FRMD4A: variants seen among roughly 807,000 people sequenced by gnomAD.
FRMD4A encodes FERM domain-containing protein 4A.
Under a neutral mutation model 129.1 loss-of-function variants are expected in FRMD4A, and 29 were observed. The observed-to-expected ratio is 0.22, with a 90% CI of 0.17 to 0.31. The LOEUF is 0.31. FRMD4A is among the 10% of genes least tolerant of loss of function. FRMD4A has a pLI of 1.00. For synonymous variants in FRMD4A, 634 were observed against 571.6 expected (o/e 1.11, Z -1.56); for missense variants, 1,272 against 1,375.8 (o/e 0.92, Z 1.19).
At position 13,983,896 on chromosome 10, in the gene FRMD4A, G is replaced by A. The variant is rs538079627; in HGVS notation, c.46-124984C>T. On this transcript the variant is annotated intron_variant, in intron 2 of 24. Transcript: ENST00000357447. ...CGGGCACCTATAATCCCAGCTACTC[G>A]GGAGGCTGCGGCAGGAGAATCGCTT... 2.1e-3 allele frequency among the ~76,000 whole-genome samples: 323 copies of A among 152,004 alleles called. 4 individuals are homozygous for A. Among genetic ancestry groups the A allele is most frequent in the African/African-American group, 7.6e-3 (316 of 41,482 alleles).
chr10:13,872,570 C>G (rs1470752325), intron 2 of FRMD4A, among the ~76,000 whole-genome samples: 1 of 152,238 alleles, frequency 6.6e-6, no homozygotes, highest in African/African-American at 2.4e-5. Flanking sequence ...ACAGCACATG[C>G]GTTCACGCAG....
At chr10:13,999,113 G>A (rs1388744649) in intron 2 of FRMD4A, among the ~76,000 whole-genome samples, 1 of 152,092 alleles carries the variant, frequency 6.6e-6, no homozygotes, top group Non-Finnish European at 1.5e-5. Context: ...TGTGCCCTCT[G>A]TGTGGGATGT....
intron 2 of FRMD4A, among the ~76,000 whole-genome samples, chr10:14,277,861 G>C (rs2132055901): frequency 6.6e-6 from 1 of 152,328 alleles, no homozygotes; most frequent in South Asian, 2.1e-4. Flanking sequence ...ACTTCTCAAG[G>C]TCATGTCCTC....
At chr10:14,037,056 T>G (rs1011203657) in intron 2 of FRMD4A, among the ~76,000 whole-genome samples, 23 of 152,224 alleles carry the variant, frequency 1.5e-4, no homozygotes, top group African/African-American at 5.5e-4. Flanking sequence ...GCCACCCAGT[T>G]CTCACTAGTG....
At chr10:14,189,400 C>T (rs1268228876) in intron 2 of FRMD4A, among the ~76,000 whole-genome samples, 2 of 152,060 alleles carry the variant, frequency 1.3e-5, no homozygotes, top group Non-Finnish European at 2.9e-5. Context: ...ATGATGAAAC[C>T]TGGTCTCTAC....
At position 13,674,386 on chromosome 10, in the gene FRMD4A, T is replaced by A. The variant is rs373154350; in HGVS notation, c.1251+525A>T. Among the ~76,000 whole-genome samples, 11 of 152,300 alleles carry A rather than the reference T, an allele frequency of 7.2e-5. No homozygotes were observed. In the East Asian group the frequency reaches 1.9e-3, roughly 27 times the overall value. On this transcript the variant is annotated intron_variant, in intron 16 of 24. Coordinates refer to ENST00000357447, the MANE Select transcript of FRMD4A (RefSeq NM_018027.5). Reference sequence around the variant, plus strand: ...AAGTATGAGGGATGAGGGATCATCATTGGGACTTGTCGCTTGGACTCCCAT... The same window carrying A: ...AAGTATGAGGGATGAGGGATCATCAATGGGACTTGTCGCTTGGACTCCCAT...
intron 2 of FRMD4A, among the ~76,000 whole-genome samples, chr10:14,252,088 A>T (rs1249775064): frequency 6.6e-6 from 1 of 152,230 alleles, no homozygotes; most frequent in African/African-American, 2.4e-5. Context: ...GAATAGAAAA[A>T]CGAATGTCCA....
At chr10:13,743,812 A>C (rs79123829) in intron 9 of FRMD4A, among the ~76,000 whole-genome samples, 2 of 152,066 alleles carry the variant, frequency 1.3e-5, no homozygotes, top group Non-Finnish European at 2.9e-5. Flanking sequence ...CCGAGAACCT[A>C]TTCTGCTCCC....
rs556993465 is a variant in FRMD4A at position 14,096,057 on chromosome 10, G to C, written c.45+234001C>G. ...GGGAAAAAAAGGCACCAAGCCTTCT[G>C]CTGTGATCAGGTTGTTCCCCTCCAA... On this transcript the variant is annotated intron_variant, in intron 2 of 24. Coordinates refer to ENST00000357447, the MANE Select transcript of FRMD4A (RefSeq NM_018027.5). Among the ~76,000 whole-genome samples, 269 of 152,342 alleles carry C rather than the reference G, an allele frequency of 1.8e-3. 1 individual carries two copies. Among genetic ancestry groups the C allele is most frequent in the Middle Eastern group, 3.4e-3 (1 of 294 alleles).
chr10:14,230,007 G>C (rs894770225), intron 2 of FRMD4A, among the ~76,000 whole-genome samples: 10 of 152,194 alleles, frequency 6.6e-5, no homozygotes, highest in African/African-American at 2.4e-4. Context: ...TCTGTCTATA[G>C]AGGAAGGCTG....
At chr10:13,971,665 G>A (rs1269215602) in intron 2 of FRMD4A, 12 of 1,303,202 alleles carry the variant, frequency 9.2e-6, no homozygotes, top group African/African-American at 3.0e-5. Context: ...CCTGATAGAC[G>A]GCCCTGGAGA....
chr10:13,774,780 GGAAA>G (rs2092555758), intron 6 of FRMD4A, among the ~76,000 whole-genome samples: 1 of 151,886 alleles, frequency 6.6e-6, no homozygotes, highest in East Asian at 1.9e-4. Flanking sequence ...GCCTCGTACA[GGAAA>G]GAGAGACCAA....
intron 2 of FRMD4A, among the ~76,000 whole-genome samples, chr10:14,163,219 A>G (rs1484836690): frequency 1.3e-5 from 2 of 152,224 alleles, no homozygotes; most frequent in East Asian, 3.8e-4. Context: ...TGTTAAAGAC[A>G]TTGTTTTACT....
chr10:14,322,830 T>A (rs1286818221), intron 2 of FRMD4A, among the ~76,000 whole-genome samples: 1 of 152,230 alleles, frequency 6.6e-6, no homozygotes, highest in African/African-American at 2.4e-5. Context: ...AATGAGAAAC[T>A]GCTACTTGCA....
At chr10:14,127,912 T>TCTG (rs1838936534) in intron 2 of FRMD4A, among the ~76,000 whole-genome samples, 1 of 3,462 alleles carries the variant, frequency 2.9e-4, no homozygotes, top group African/African-American at 6.4e-4. Context: ...TTTGCTTTCT[T>TCTG]TCTTTCTTTC....
chr10:13,809,539 G>A (rs541117144), intron 4 of FRMD4A, among the ~76,000 whole-genome samples: 1 of 152,258 alleles, frequency 6.6e-6, no homozygotes, highest in Non-Finnish European at 1.5e-5. Context: ...GCAGTGCTGG[G>A]TCCTTCCCCG....
At chr10:14,022,833 G>A (rs1342059655) in intron 2 of FRMD4A, among the ~76,000 whole-genome samples, 1 of 152,220 alleles carries the variant, frequency 6.6e-6, no homozygotes, top group African/African-American at 2.4e-5. Flanking sequence ...GAAGGTGGTA[G>A]AAGTGTTAGG....
intron 2 of FRMD4A, among the ~76,000 whole-genome samples, chr10:14,304,063 T>C (rs185969798): frequency 1.2e-3 from 182 of 152,278 alleles, no homozygotes; most frequent in Non-Finnish European, 2.2e-3. Flanking sequence ...TGCTTCTGCC[T>C]TTTGGCCACT....
At chr10:13,696,103 C>G (rs2086204152) in intron 14 of FRMD4A, among the ~76,000 whole-genome samples, 1 of 152,124 alleles carries the variant, frequency 6.6e-6, no homozygotes, top group Non-Finnish European at 1.5e-5. Context: ...AACTTTTTTC[C>G]TTGCATTCAG....
Sources: allele counts gnomAD v4.1 joint callset (sites outside exome capture counted in the v4.1 genomes callset), GRCh38; gene constraint gnomAD v4.1.1; transcripts MANE v1.5; gene names NCBI Gene and HGNC (gene_info 2026-07-23, HGNC 2026-07-21).